RIC3: variants seen among roughly 807,000 people sequenced by gnomAD.
The protein encoded by RIC3 is RIC3 acetylcholine receptor chaperone.
A neutral mutation model predicts 27.3 loss-of-function variants in RIC3; 28 were observed. The ratio of observed to expected loss-of-function variants is 1.02; its 90% CI spans 0.76 to 1.41. The LOEUF (loss-of-function observed/expected upper bound fraction) is 1.41. RIC3 is among the 40% of genes most tolerant of loss of function. The pLI is 0.00. For missense variants in RIC3, 501 were observed against 444.7 expected, an observed-to-expected ratio of 1.13 and a Z score of -1.14; for synonymous variants, 184 against 160.4, an observed-to-expected ratio of 1.15 and a Z score of -1.11.
At chr11:8,095,661 G>A in the RIC3 span, 1 of 1,597,418 alleles carries the variant, frequency 6.3e-7, no homozygotes. Flanking sequence ...CGATGCAGAG[G>A]AAGGGTGAGC....
At chr11:8,104,584 A>G, downstream of RIC3, 1 of 152,176 alleles carries the variant, frequency 6.6e-6, no homozygotes, top group Non-Finnish European at 1.5e-5. Context: ...CATTCATCTC[A>G]TGCTCTCTGA....
chr11:8,150,431 T>C lies in RIC3; in HGVS notation c.125-10238A>G, dbSNP rs142705994. On this transcript the variant is annotated intron_variant, in intron 1 of 5. Transcript: ENST00000309737. ...AAGATAGAGAAGATAATGAAGAAAC[T>C]TGGAAGGCTTACTGTTAGGGAACAA... Among the ~76,000 whole-genome samples the C allele has an allele frequency of 7.7e-4, 117 of 152,292 alleles. 1 individual carries two copies. The East Asian group carries it at 0.021, about 28-fold the overall frequency.
intron 1 of RIC3, among the ~76,000 whole-genome samples, chr11:8,165,774 T>A (rs11041774): frequency 0.35 from 48,579 of 139,410 alleles, 8,648 homozygotes; most frequent in East Asian, 0.49. Flanking sequence ...GGGTTTTTTT[T>A]TTGTTTTGTT....
Position 8,128,429 on chromosome 11 carries a change from C to A in RIC3, c.522-1622G>T, listed in dbSNP as rs4509744. The stretch of plus-strand genomic sequence containing the variant: ...CCCAGAGAACTCCAAACCAAAGCAT[C>A]CTCATTTCACTCTTAACAAGTATAC... On this transcript the variant is annotated intron_variant, in intron 4 of 5. Transcript: ENST00000309737. The A allele has an allele frequency of 8.3e-3, 3,005 of 362,376 alleles. 90 individuals are homozygous for A. Among genetic ancestry groups the A allele is most frequent in the African/African-American group, 0.059 (2,756 of 46,840 alleles). 22.4% of individuals were successfully genotyped at this position (362,376 alleles called of 1,614,324 possible). A position where few individuals can be genotyped will look rare whatever the true frequency, so the allele number is the denominator to read the frequency against.
intron 5 of RIC3, among the ~76,000 whole-genome samples, chr11:8,112,302 T>TC (rs1055256511): frequency 1.3e-5 from 2 of 151,426 alleles, no homozygotes; most frequent in Admixed American, 1.3e-4. Context: ...TTCTTTTTTT[T>TC]TTTTTGAGAC....
the RIC3 span, chr11:8,094,247 G>C: frequency 6.5e-7 from 1 of 1,532,628 alleles, no homozygotes; most frequent in East Asian, 2.3e-5. Flanking sequence ...TGTAGGGCTG[G>C]GGAAGGTTTG....
chr11:8,139,856 G>A, intron 2 of RIC3, 111 bp downstream of exon 2: 2 of 939,082 alleles, frequency 2.1e-6, no homozygotes, highest in Non-Finnish European at 3.2e-6. Context: ...TTAAAGAGAT[G>A]ATGGATTTGA....
intron 4 of RIC3, among the ~76,000 whole-genome samples, chr11:8,131,009 T>C (rs1184657587): frequency 6.6e-6 from 1 of 152,136 alleles, no homozygotes; most frequent in Non-Finnish European, 1.5e-5. Flanking sequence ...ACAAAAGAGA[T>C]AATCTGTTTG....
At chr11:8,093,243 A>AG in the RIC3 span, among the ~76,000 whole-genome samples, 2 of 151,466 alleles carry the variant, frequency 1.3e-5, no homozygotes, top group Admixed American at 6.6e-5. Context: ...TTGATCACTG[A>AG]GGGGGGCGAG....
Position 8,139,839 on chromosome 11 carries a change from G to A in RIC3, c.351+128C>T, listed in dbSNP as rs1321624263. On this transcript the variant is annotated intron_variant, in intron 2 of 5. Coordinates refer to ENST00000309737, the MANE Select transcript of RIC3 (RefSeq NM_001206671.4). ...ATCCTAAGTACCTCATGAAGAGGAG[G>A]CAGGATTTAAAGAGATGATGGATTT... The A allele has an allele frequency of 7.7e-6, 6 of 780,366 alleles. No individual in the cohort carries two copies. The African/African-American group carries it at 8.8e-5, about 11-fold the overall frequency. 48.3% of individuals were successfully genotyped at this position (780,366 alleles called of 1,614,324 possible). A position where few individuals can be genotyped will look rare whatever the true frequency, so the allele number is the denominator to read the frequency against.
chr11:8,122,779 C>T (rs147602769), intron 5 of RIC3, among the ~76,000 whole-genome samples: 152 of 145,468 alleles, frequency 1.0e-3, no homozygotes, highest in African/African-American at 3.7e-3. Context: ...AAATCCAACA[C>T]TATTTAAAGT....
rs369586531 is a variant in RIC3, at chr11:8,141,503, T to C, written c.125-1310A>G. On this transcript the variant is annotated intron_variant, in intron 1 of 5. Transcript: ENST00000309737. Reference sequence around the variant, plus strand: ...CTATCCTAAATATATATGCACCCAATACAGGAGCACCCAGATTCATAAAGC... The same window carrying C: ...CTATCCTAAATATATATGCACCCAACACAGGAGCACCCAGATTCATAAAGC... Among the ~76,000 whole-genome samples the C allele has an allele frequency of 1.5e-4, 23 of 151,970 alleles. 1 individual carries two copies. The highest frequency in any genetic ancestry group is 9.8e-4 in the Admixed American group (15 of 15,244).
At chr11:8,128,689 T>C (rs1342278776) in intron 4 of RIC3, among the ~76,000 whole-genome samples, 1 of 152,070 alleles carries the variant, frequency 6.6e-6, no homozygotes, top group Non-Finnish European at 1.5e-5. Flanking sequence ...CCATCCATTA[T>C]TTTCTTCCAC....
At chr11:8,117,092 G>A (rs925218931) in intron 5 of RIC3, among the ~76,000 whole-genome samples, 1 of 152,068 alleles carries the variant, frequency 6.6e-6, no homozygotes, top group Non-Finnish European at 1.5e-5. Context: ...TTTTGGAGAC[G>A]AGGTCTCACA....
intron 1 of RIC3, among the ~76,000 whole-genome samples, chr11:8,161,507 G>A (rs762544495): frequency 1.1e-4 from 17 of 152,194 alleles, no homozygotes; most frequent in Non-Finnish European, 1.6e-4. Flanking sequence ...TCTATCCATT[G>A]ATAACCTCTC....
Position 8,169,024 on chromosome 11 carries a change from C to A in RIC3, c.-35G>T. ...CGGTGGTCGCAGGTGCAGACGCCAG[C>A]CGGAACCGGAACCGGAACCGGAGCA... On this transcript the variant is annotated 5_prime_UTR_variant, in exon 1 of 6. Coordinates refer to ENST00000309737, the MANE Select transcript of RIC3 (RefSeq NM_001206671.4). The A allele has an allele frequency of 1.3e-6, 2 of 1,511,810 alleles. No homozygotes were observed. The highest frequency in any genetic ancestry group is 8.8e-7 in the Non-Finnish European group (1 of 1,139,674). The allele number at this position is 1,511,810 out of a possible 1,614,324, so 93.6% of individuals were successfully genotyped here.
intron 3 of RIC3, 120 bp from the exon 4 acceptor site, chr11:8,137,591 A>T: frequency 1.7e-6 from 1 of 603,420 alleles, no homozygotes; most frequent in African/African-American, 1.8e-5. Flanking sequence ...CTCATTGAAG[A>T]ACACCGCAGT....
At chr11:8,141,407 C>T (rs555418487) in intron 1 of RIC3, among the ~76,000 whole-genome samples, 1 of 152,198 alleles carries the variant, frequency 6.6e-6, no homozygotes, top group African/African-American at 2.4e-5. Context: ...AGACTTTAAA[C>T]CAACAAGATC....
Position 8,121,684 on chromosome 11 carries a change from C to A in RIC3, c.670+4975G>T, listed in dbSNP as rs182101037. ...GGAGCAGATATCAAGCTACAGCACT[C>A]CAACTTGGGCAAAAAAGCAAGCAAG... On this transcript the variant is annotated intron_variant, in intron 5 of 5. Transcript: ENST00000309737. 6.4e-3 allele frequency among the ~76,000 whole-genome samples: 976 copies of A among 152,064 alleles called. 22 individuals are homozygous for A. The highest frequency in any genetic ancestry group is 0.051 in the Admixed American group (778 of 15,264).
Sources: gnomAD v4.1 joint callset for allele counts (sites outside exome capture counted in the v4.1 genomes callset) on GRCh38, gnomAD v4.1.1 for gene constraint, MANE v1.5 for transcripts, NCBI Gene and HGNC (gene_info 2026-07-23, HGNC 2026-07-21) for gene names.